The following EFCAB5 variants were observed in gnomAD, a reference collection of about 807,000 sequenced individuals.
The protein encoded by EFCAB5 is EF-hand calcium-binding domain-containing protein 5.
EFCAB5 carries 131 observed loss-of-function variants against 167.9 expected under a neutral mutation model. The ratio of observed to expected loss-of-function variants is 0.78; its 90% confidence interval spans 0.68 to 0.90. The LOEUF is 0.90. Among genes scored for constraint, EFCAB5 ranks in the 40% least tolerant of loss-of-function variants. The pLI is 0.00. For synonymous variants in EFCAB5, 574 were observed against 602.8 expected (o/e 0.95, Z 0.70); for missense variants, 1,663 against 1,745.2 (o/e 0.95, Z 0.84).
intron 4 of EFCAB5, among the ~76,000 whole-genome samples, chr17:29,977,151 C>T (rs1310403488): frequency 1.3e-5 from 2 of 152,010 alleles, no homozygotes; most frequent in Admixed American, 6.6e-5. Context: ...CTCTTGATTT[C>T]TCCAGTGTTT....
Position 30,054,160 on chromosome 17 carries a change from GTTC to G in EFCAB5, c.2194+17_2194+19del. On this transcript the variant is annotated intron_variant, in intron 10 of 22. Coordinates refer to ENST00000394835, the MANE Select transcript of EFCAB5 (RefSeq NM_198529.4). ...AGATCACTTTCCAGGTAGTAATGCA[GTTC>G]TTCTACAACATCAGTTCCCTGTTTT... 5 of 1,514,584 alleles carry G rather than the reference GTTC, an allele frequency of 3.3e-6. No individual in the cohort carries two copies. Among genetic ancestry groups the G allele is most frequent in the Non-Finnish European group, 4.4e-6 (5 of 1,133,760 alleles). 93.8% of individuals were successfully genotyped at this position (1,514,584 alleles called of 1,614,324 possible).
At chr17:29,979,382 A>C (rs1466357041) in intron 4 of EFCAB5, among the ~76,000 whole-genome samples, 1 of 152,116 alleles carries the variant, frequency 6.6e-6, no homozygotes, top group African/African-American at 2.4e-5. Flanking sequence ...GCCAGCTGTA[A>C]AGCTTGGAGG....
chr17:29,992,001 A>C (rs142483530), intron 4 of EFCAB5, among the ~76,000 whole-genome samples: 1 of 152,238 alleles, frequency 6.6e-6, no homozygotes, highest in Non-Finnish European at 1.5e-5. Context: ...TAGCATATCT[A>C]TCACCTCAAA....
intron 14 of EFCAB5, among the ~76,000 whole-genome samples, chr17:30,075,612 C>G (rs1296099080): frequency 6.6e-6 from 1 of 152,162 alleles, no homozygotes; most frequent in Non-Finnish European, 1.5e-5. Flanking sequence ...ATACGGATAC[C>G]CTGTTTGTAC....
chr17:30,065,031 A>G (rs761877501), intron 14 of EFCAB5, among the ~76,000 whole-genome samples: 1 of 152,272 alleles, frequency 6.6e-6, no homozygotes, highest in African/African-American at 2.4e-5. Flanking sequence ...GAGGGAAATT[A>G]TCACCACTAA....
chr17:30,088,055 T>C (rs2071122670), intron 19 of EFCAB5, among the ~76,000 whole-genome samples: 1 of 152,242 alleles, frequency 6.6e-6, no homozygotes, highest in African/African-American at 2.4e-5. Flanking sequence ...AATTTTATTC[T>C]GATTGGCTTT....
Position 29,932,828 on chromosome 17 carries a change from A to G in EFCAB5, c.-127+3499A>G, listed in dbSNP as rs116132840. On this transcript the variant is annotated intron_variant, in intron 1 of 3. Transcript: ENST00000448319. ...TGTTTCATCTGTAGGTAAGTGTGGA[A>G]CATTTTTGTTCCACATATCTAAGGT... 6.4e-3 allele frequency among the ~76,000 whole-genome samples: 978 copies of G among 152,244 alleles called. 5 individuals carry two copies. Among genetic ancestry groups the G allele is most frequent in the African/African-American group, 0.023 (938 of 41,540 alleles).
intron 4 of EFCAB5, among the ~76,000 whole-genome samples, chr17:29,989,299 G>A (rs1038897592): frequency 1.3e-5 from 2 of 152,192 alleles, no homozygotes; most frequent in African/African-American, 4.8e-5. Context: ...TTGAGTGGGG[G>A]CAAGCACAAA....
At chr17:29,968,544 G>A (rs1039243287) in intron 3 of EFCAB5, among the ~76,000 whole-genome samples, 3 of 152,162 alleles carry the variant, frequency 2.0e-5, no homozygotes, top group Non-Finnish European at 2.9e-5. Context: ...AAAAATGAAC[G>A]AAAATAAACA....
chr17:29,936,198 T>A (rs2151507705), intron 1 of EFCAB5, among the ~76,000 whole-genome samples: 1 of 151,828 alleles, frequency 6.6e-6, no homozygotes, highest in Admixed American at 6.6e-5. Flanking sequence ...GAGCAAACGA[T>A]CGCAAGGACA....
chr17:30,040,342 C>A (rs1251640510), intron 8 of EFCAB5, among the ~76,000 whole-genome samples: 1 of 152,206 alleles, frequency 6.6e-6, no homozygotes, highest in Non-Finnish European at 1.5e-5. Context: ...GGATGCAGTG[C>A]AGTCAGGCAC....
At chr17:30,019,941 A>T (rs1261289156) in intron 7 of EFCAB5, among the ~76,000 whole-genome samples, 2 of 152,194 alleles carry the variant, frequency 1.3e-5, no homozygotes, top group Non-Finnish European at 2.9e-5. Flanking sequence ...TATATATATA[A>T]AATGTAGAAT....
chr17:29,943,523 C>A, intron 2 of EFCAB5, 42 bp from the exon 3 acceptor site: 1 of 1,480,476 alleles, frequency 6.8e-7, no homozygotes, highest in Non-Finnish European at 9.2e-7. Context: ...TGTTGAAAAT[C>A]AAGTCACATT....
At chr17:30,070,582 G>T (rs2070706858) in intron 14 of EFCAB5, among the ~76,000 whole-genome samples, 1 of 152,134 alleles carries the variant, frequency 6.6e-6, no homozygotes, top group Non-Finnish European at 1.5e-5. Flanking sequence ...AACATTCATT[G>T]GGGAAGGGAG....
chr17:30,075,304 T>C (rs1021274824), intron 14 of EFCAB5, among the ~76,000 whole-genome samples: 3 of 152,142 alleles, frequency 2.0e-5, no homozygotes, highest in Non-Finnish European at 4.4e-5. Context: ...TCCTCCTTAC[T>C]CTGCTTAGGT....
chr17:29,987,845 G>A (rs958656471), intron 4 of EFCAB5, among the ~76,000 whole-genome samples: 4 of 152,132 alleles, frequency 2.6e-5, no homozygotes, highest in Admixed American at 1.3e-4. Context: ...TGTTTAACAC[G>A]GGCAGAAGAC....
chr17:29,998,842 T>G (rs888199696), intron 6 of EFCAB5, among the ~76,000 whole-genome samples: 5 of 152,186 alleles, frequency 3.3e-5, no homozygotes, highest in African/African-American at 1.2e-4. Flanking sequence ...ATACAATTTA[T>G]GTATTTTTCT....
At chr17:30,023,178 A>G (rs2069225905) in intron 7 of EFCAB5, among the ~76,000 whole-genome samples, 1 of 152,126 alleles carries the variant, frequency 6.6e-6, no homozygotes, top group Non-Finnish European at 1.5e-5. Flanking sequence ...AATAACTAAA[A>G]TCAGAGCAGA....
chr17:29,962,429 C>T (rs2067738069), intron 3 of EFCAB5, among the ~76,000 whole-genome samples: 1 of 151,908 alleles, frequency 6.6e-6, no homozygotes, highest in Non-Finnish European at 1.5e-5. Flanking sequence ...GTATTCTATT[C>T]TTTTAGCTGC....
Sources: gnomAD v4.1 joint callset for allele counts (sites outside exome capture counted in the v4.1 genomes callset) on GRCh38, gnomAD v4.1.1 for gene constraint, MANE v1.5 for transcripts, NCBI Gene and HGNC (gene_info 2026-07-23, HGNC 2026-07-21) for gene names.